Variants in FRMPD2 observed in about 807,000 individuals in gnomAD.
FRMPD2 encodes FERM and PDZ domain containing 2, also known as FERM and PDZ domain-containing protein 2.
FRMPD2 carries 96 observed loss-of-function variants against 140.1 expected under a neutral mutation model. That is an observed-to-expected ratio of 0.69 (90% CI 0.58 to 0.81). The LOEUF is 0.81. Ranked by LOEUF, FRMPD2 falls within the 40% of genes least tolerant of loss-of-function variation. The probability of loss-of-function intolerance (pLI) is 0.00; values close to 1 mark genes in which losing one functional copy is unlikely to be tolerated. For missense variants in FRMPD2, 1,240 were observed against 1,447.4 expected (o/e 0.86, Z 2.32); for synonymous variants, 449 against 547.6 (o/e 0.82, Z 2.52).
intron 3 of FRMPD2, among the ~76,000 whole-genome samples, chr10:48,247,181 C>T (rs113611064): frequency 1.3e-5 from 2 of 152,324 alleles, no homozygotes; most frequent in African/African-American, 4.8e-5. Flanking sequence ...GAGGAAGGAA[C>T]ATATTATTTT....
Position 48,274,640 on chromosome 10 carries a change from C to T in FRMPD2, c.-73G>A. On this transcript the variant is annotated 5_prime_UTR_variant, in exon 1 of 29. Coordinates refer to ENST00000374201, the MANE Select transcript of FRMPD2 (RefSeq NM_001018071.4). ...TCCAACAAGGAGCAGGGGTCTCTTG[C>T]AAGTCTGTCCGCGGAGCTCCCTGCC... 1 of 1,447,474 alleles carries T rather than the reference C, an allele frequency of 6.9e-7. No homozygotes were observed. The highest frequency in any genetic ancestry group is 9.7e-7 in the Non-Finnish European group (1 of 1,032,906). The allele number at this position is 1,447,474 out of a possible 1,614,324, so 89.7% of individuals were successfully genotyped here. A position where few individuals can be genotyped will look rare whatever the true frequency, so the allele number is the denominator to read the frequency against.
At chr10:48,188,061 T>C (rs546256413) in intron 16 of FRMPD2, among the ~76,000 whole-genome samples, 1 of 152,330 alleles carries the variant, frequency 6.6e-6, no homozygotes, top group East Asian at 1.9e-4. Flanking sequence ...GATGTAAAGC[T>C]GTGGGTCTCA....
intron 4 of FRMPD2, among the ~76,000 whole-genome samples, chr10:48,243,636 T>G (rs1299859685): frequency 6.6e-6 from 1 of 152,190 alleles, no homozygotes; most frequent in Non-Finnish European, 1.5e-5. Flanking sequence ...GACCCTATCC[T>G]AGGCTCCAGG....
chr10:48,240,692 T>A (rs181920289), intron 5 of FRMPD2, among the ~76,000 whole-genome samples, 200 bp from the exon 6 acceptor site: 1 of 152,230 alleles, frequency 6.6e-6, no homozygotes, highest in Admixed American at 6.5e-5. Flanking sequence ...CACTCCCCAC[T>A]CCAGACCTGC....
chr10:48,172,791 A>G (rs1838295487), intron 25 of FRMPD2, among the ~76,000 whole-genome samples, 155 bp downstream of exon 25: 1 of 152,218 alleles, frequency 6.6e-6, no homozygotes, highest in Non-Finnish European at 1.5e-5. Context: ...ATGGGCTTCC[A>G]TGGCATGAAA....
At chr10:48,230,810 T>G (rs1839832164) in intron 10 of FRMPD2, among the ~76,000 whole-genome samples, 1 of 152,228 alleles carries the variant, frequency 6.6e-6, no homozygotes, top group Non-Finnish European at 1.5e-5. Flanking sequence ...TCTCTGTTCC[T>G]AAAGCCCTAT....
intron 3 of FRMPD2, among the ~76,000 whole-genome samples, chr10:48,246,762 C>T (rs1186577521): frequency 6.6e-6 from 1 of 152,204 alleles, no homozygotes; most frequent in Non-Finnish European, 1.5e-5. Context: ...ATTCTCCTAG[C>T]TCCTAGCTGC....
intron 16 of FRMPD2, among the ~76,000 whole-genome samples, chr10:48,188,657 C>T (rs1449642743): frequency 1.3e-5 from 2 of 152,166 alleles, no homozygotes; most frequent in Admixed American, 1.3e-4. Flanking sequence ...CTCGTGTGCT[C>T]AATGGATGGA....
intron 12 of FRMPD2, among the ~76,000 whole-genome samples, chr10:48,220,482 A>G (rs1250140732): frequency 6.6e-6 from 1 of 152,190 alleles, no homozygotes; most frequent in Admixed American, 6.5e-5. Flanking sequence ...AAACATAAAA[A>G]TTTGAGAAGA....
chr10:48,163,810 T>A (rs1444946967), intron 27 of FRMPD2, 139 bp from the exon 28 acceptor site: 1 of 684,026 alleles, frequency 1.5e-6, no homozygotes, highest in East Asian at 2.7e-5. Flanking sequence ...CACCATAGCA[T>A]CCCAGCTCCT....
chr10:48,274,858 C>T, upstream of FRMPD2: 1 of 436,504 alleles, frequency 2.3e-6, no homozygotes, highest in Non-Finnish European at 4.1e-6. Context: ...CGTGAGAGAG[C>T]CAGGAAGAGC....
intron 12 of FRMPD2, among the ~76,000 whole-genome samples, chr10:48,212,485 C>G (rs1250442022): frequency 6.6e-6 from 1 of 152,168 alleles, no homozygotes; most frequent in Non-Finnish European, 1.5e-5. Flanking sequence ...GTGACAGAAA[C>G]AAGATGTGTT....
intron 15 of FRMPD2, among the ~76,000 whole-genome samples, chr10:48,196,428 C>T (rs747651859): frequency 6.6e-6 from 1 of 152,198 alleles, no homozygotes; most frequent in Non-Finnish European, 1.5e-5. Flanking sequence ...CATTATGTGA[C>T]GTGCCTCCAT....
In FRMPD2 at chr10:48,206,868, T is replaced by C; in HGVS notation, c.1677A>G (p.Pro559=). 6.2e-7 allele frequency: 1 copy of C among 1,614,130 alleles called. No homozygotes were observed. Among genetic ancestry groups the C allele is most frequent in the Non-Finnish European group, 8.5e-7 (1 of 1,179,970 alleles). Residue 559 remains proline (P), a synonymous_variant, in exon 14 of 29, where the codon CCA becomes CCG. Transcript: ENST00000374201. ...VHQVFSEKRR[P]EEEMALGICA... is the part of the protein sequence containing the mutation. ...AGATCCCCAGGGCCATCTCCTCTTC[T>C]GGCCTCCTCTTCTCTGAGAATACTT...
chr10:48,196,191 G>C (rs1252370030), intron 15 of FRMPD2, among the ~76,000 whole-genome samples: 1 of 152,236 alleles, frequency 6.6e-6, no homozygotes, highest in Non-Finnish European at 1.5e-5. Flanking sequence ...AAAACAGCCA[G>C]AGACCAGAGA....
chr10:48,237,997 C>T lies in FRMPD2; in HGVS notation c.915G>A (p.Arg305=). ...TPSQRGFLQR[R]SKFSRPEFIL... ...TCAGCCTTATTTTGCTTACCTTGCTCCTTCTTTGCAGAAAACCCCTCTGAG... is the reference window on the plus strand; with the variant it reads ...TCAGCCTTATTTTGCTTACCTTGCTTCTTCTTTGCAGAAAACCCCTCTGAG... The change falls in exon 8 of 29, where the codon AGG becomes AGA. Residue 305 remains arginine (R), a synonymous_variant. Coordinates refer to ENST00000374201, the MANE Select transcript of FRMPD2 (RefSeq NM_001018071.4). 1.2e-6 allele frequency: 2 copies of T among 1,614,224 alleles called. No homozygotes were observed. Among genetic ancestry groups the T allele is most frequent in the Middle Eastern group, 1.6e-4 (1 of 6,062 alleles).
At chr10:48,232,557 T>C (rs573743346) in intron 9 of FRMPD2, among the ~76,000 whole-genome samples, 1 of 152,298 alleles carries the variant, frequency 6.6e-6, no homozygotes, top group East Asian at 1.9e-4. Flanking sequence ...CCAGGAAAGC[T>C]GGGAGGCCTG....
intron 27 of FRMPD2, among the ~76,000 whole-genome samples, chr10:48,167,781 T>C (rs1169233839): frequency 1.3e-5 from 2 of 152,252 alleles, no homozygotes; most frequent in Non-Finnish European, 2.9e-5. Flanking sequence ...TTAGATGTGA[T>C]TTGACATTTA....
intron 1 of FRMPD2, among the ~76,000 whole-genome samples, chr10:48,273,014 A>C (rs989269427): frequency 1.5e-4 from 23 of 152,204 alleles, no homozygotes; most frequent in African/African-American, 5.6e-4. Flanking sequence ...TGAGAATCAA[A>C]TGGCTATATA....
Sources: allele counts gnomAD v4.1 joint callset (sites outside exome capture counted in the v4.1 genomes callset), GRCh38; gene constraint gnomAD v4.1.1; transcripts MANE v1.5; gene names NCBI Gene and HGNC (gene_info 2026-07-23, HGNC 2026-07-21).